Variants in KCNQ5 observed in about 807,000 individuals in gnomAD.
The protein encoded by KCNQ5 is potassium voltage-gated channel subfamily Q member 5.
Under a neutral mutation model 98.2 loss-of-function variants are expected in KCNQ5, and 30 were observed. That is an observed-to-expected ratio of 0.31 (90% CI 0.23 to 0.41). The LOEUF is 0.41. KCNQ5 is among the 10% of genes least tolerant of loss of function. KCNQ5 has a pLI of 1.00. For missense variants in KCNQ5, 835 were observed against 1,182.5 expected, an observed-to-expected ratio of 0.71 and a Z score of 4.31; for synonymous variants, 458 against 449.4, an observed-to-expected ratio of 1.02 and a Z score of -0.24.
At chr6:72,711,516 G>GGAGAT (rs888177918) in intron 1 of KCNQ5, among the ~76,000 whole-genome samples, 1 of 152,168 alleles carries the variant, frequency 6.6e-6, no homozygotes, top group Non-Finnish European at 1.5e-5. Flanking sequence ...TGGTGCCTGG[G>GGAGAT]GAGATGAGAG....
intron 1 of KCNQ5, among the ~76,000 whole-genome samples, chr6:72,943,006 T>A (rs905353545): frequency 1.3e-5 from 2 of 152,192 alleles, no homozygotes; most frequent in African/African-American, 4.8e-5. Context: ...ATAATCGATT[T>A]TTTTATCCTT....
chr6:72,823,094 A>C (rs1019352417), intron 1 of KCNQ5, among the ~76,000 whole-genome samples: 3 of 152,120 alleles, frequency 2.0e-5, no homozygotes, highest in Non-Finnish European at 4.4e-5. Flanking sequence ...CAACATATTT[A>C]TAGGTTCCAG....
At chr6:72,736,110 C>T (rs1261929615) in intron 1 of KCNQ5, among the ~76,000 whole-genome samples, 1 of 151,184 alleles carries the variant, frequency 6.6e-6, no homozygotes, top group Non-Finnish European at 1.5e-5. Flanking sequence ...CACACACACA[C>T]GGATTCCCCA....
chr6:72,822,883 T>G (rs974968975), intron 1 of KCNQ5, among the ~76,000 whole-genome samples: 2 of 152,146 alleles, frequency 1.3e-5, no homozygotes, highest in Non-Finnish European at 2.9e-5. Flanking sequence ...TTTTCCACAT[T>G]CCACAAACCA....
chr6:72,801,891 A>T (rs1399992407), intron 1 of KCNQ5, among the ~76,000 whole-genome samples: 3 of 151,652 alleles, frequency 2.0e-5, no homozygotes, highest in Non-Finnish European at 4.4e-5. Context: ...TATGAAGCTT[A>T]GTTTGGCTGG....
chr6:72,714,191 C>T (rs115920603), intron 1 of KCNQ5, among the ~76,000 whole-genome samples: 1 of 151,992 alleles, frequency 6.6e-6, no homozygotes, highest in African/African-American at 2.4e-5. Context: ...AAGGCCTCTT[C>T]TTACTAAGTC....
chr6:73,073,421 T>C (rs1773380512), intron 3 of KCNQ5, among the ~76,000 whole-genome samples: 1 of 152,194 alleles, frequency 6.6e-6, no homozygotes. Flanking sequence ...CATTGTAGGA[T>C]GGTTAGCAGC....
chr6:72,686,021 G>A (rs1307687277), intron 1 of KCNQ5, among the ~76,000 whole-genome samples: 1 of 152,168 alleles, frequency 6.6e-6, no homozygotes, highest in African/African-American at 2.4e-5. Flanking sequence ...TTTAGAGAGA[G>A]AGCTGTGGTA....
chr6:72,703,404 T>C (rs1768923505), intron 1 of KCNQ5, among the ~76,000 whole-genome samples: 1 of 152,260 alleles, frequency 6.6e-6, no homozygotes, highest in South Asian at 2.1e-4. Flanking sequence ...ACTGCACTTC[T>C]ATGGCTGGTT....
intron 3 of KCNQ5, among the ~76,000 whole-genome samples, chr6:73,054,370 G>A (rs1378469249): frequency 6.6e-6 from 1 of 152,052 alleles, no homozygotes; most frequent in Admixed American, 6.5e-5. Context: ...ACCAAAACCT[G>A]GCAGGGACAC....
Position 72,622,879 on chromosome 6 carries a change from A to G in KCNQ5, c.398+292A>G, listed in dbSNP as rs1002063465. On this transcript the variant is annotated intron_variant, in intron 1 of 13. Transcript: ENST00000370398. This position sits in a 1 kb window ranked among gnomAD's most constrained non-coding sequence, Gnocchi z 6.0. Reference sequence around the variant, plus strand: ...GACGCGGGACTTAGGCTGCGCGGATAATTGGGAGCAATTAGGTCCCAAGAT... The same window carrying G: ...GACGCGGGACTTAGGCTGCGCGGATGATTGGGAGCAATTAGGTCCCAAGAT... Among the ~76,000 whole-genome samples the G allele has an allele frequency of 6.6e-6, 1 of 152,140 alleles. No homozygotes were observed. The highest frequency in any genetic ancestry group is 1.5e-5 in the Non-Finnish European group (1 of 68,024).
chr6:72,736,498 A>ATATCTTTT (rs1770840516), intron 1 of KCNQ5, among the ~76,000 whole-genome samples: 1 of 112,694 alleles, frequency 8.9e-6, no homozygotes. Context: ...GTAAAAAAAG[A>ATATCTTTT]TTTCTTTTTT....
At chr6:73,029,904 CAAAAAAAA>C (rs56804434) in intron 2 of KCNQ5, among the ~76,000 whole-genome samples, 30 of 78,626 alleles carry the variant, frequency 3.8e-4, no homozygotes, top group Non-Finnish European at 5.9e-4. Context: ...GACTCCGTCT[CAAAAAAAA>C]AAAAAAAAAA....
At chr6:72,754,727 A>G (rs933355453) in intron 1 of KCNQ5, among the ~76,000 whole-genome samples, 7 of 152,044 alleles carry the variant, frequency 4.6e-5, no homozygotes, top group Admixed American at 3.9e-4. Flanking sequence ...GAATATGACT[A>G]TCTCGGTGAA....
At chr6:73,129,874 A>T in intron 9 of KCNQ5, 1 of 1,602,640 alleles carries the variant, frequency 6.2e-7, no homozygotes, top group East Asian at 2.2e-5. Flanking sequence ...GGCTATTGAC[A>T]TGAGATTTGA....
intron 9 of KCNQ5, among the ~76,000 whole-genome samples, chr6:73,126,514 A>T (rs912488859): frequency 4.6e-5 from 7 of 152,236 alleles, no homozygotes; most frequent in African/African-American, 1.7e-4. Flanking sequence ...TATTCAAAAA[A>T]ACTACCAACC....
chr6:72,748,775 G>T (rs1771531638), intron 1 of KCNQ5, among the ~76,000 whole-genome samples: 2 of 152,130 alleles, frequency 1.3e-5, no homozygotes, highest in South Asian at 4.1e-4. Flanking sequence ...GCTGTACCAG[G>T]CAAACTCAGT....
At chr6:72,942,499 T>C (rs1766356576) in intron 1 of KCNQ5, among the ~76,000 whole-genome samples, 1 of 152,104 alleles carries the variant, frequency 6.6e-6, no homozygotes, top group African/African-American at 2.4e-5. Context: ...GATAAAAAAT[T>C]AAAGAGACTG....
At chr6:72,911,087 T>C (rs1419890556) in intron 1 of KCNQ5, among the ~76,000 whole-genome samples, 3 of 152,170 alleles carry the variant, frequency 2.0e-5, no homozygotes, top group Non-Finnish European at 4.4e-5. Flanking sequence ...GGAAAGCCGA[T>C]GAAGGCTTTA....
Sources: allele counts gnomAD v4.1 joint callset (sites outside exome capture counted in the v4.1 genomes callset), GRCh38; gene constraint gnomAD v4.1.1; non-coding constraint Gnocchi (gnomAD v3.1); transcripts MANE v1.5; gene names NCBI Gene and HGNC (gene_info 2026-07-23, HGNC 2026-07-21).